The following MMP16 variants were observed in gnomAD, a reference collection of about 807,000 sequenced individuals.
MMP16 encodes matrix metalloproteinase-16.
Under a neutral mutation model 67.8 loss-of-function variants are expected in MMP16, and 12 were observed. The observed-to-expected ratio is 0.18, with a 90% CI of 0.11 to 0.29. The LOEUF is 0.29. Ranked by LOEUF, MMP16 falls within the 10% of genes least tolerant of loss-of-function variation. The pLI, the probability that MMP16 is intolerant of heterozygous loss-of-function variation, is 1.00. For synonymous variants in MMP16, 249 were observed against 255.9 expected, an observed-to-expected ratio of 0.97 and a Z score of 0.26; for missense variants, 475 against 765.7, an observed-to-expected ratio of 0.62 and a Z score of 4.48.
chr8:88,120,770 T>C (rs1409545377), intron 4 of MMP16, among the ~76,000 whole-genome samples: 1 of 151,940 alleles, frequency 6.6e-6, no homozygotes, highest in East Asian at 1.9e-4. Context: ...GGCCTTCTTT[T>C]AGCAAAACTG....
At chr8:88,174,681 A>G (rs759117866) in intron 3 of MMP16, among the ~76,000 whole-genome samples, 17 of 152,014 alleles carry the variant, frequency 1.1e-4, no homozygotes, top group Middle Eastern at 3.4e-3. Flanking sequence ...ACTTGCCATG[A>G]TGCTGAGAAT....
chr8:88,236,820 T>A (rs1809948728), intron 1 of MMP16, among the ~76,000 whole-genome samples: 1 of 90,712 alleles, frequency 1.1e-5, no homozygotes, highest in Non-Finnish European at 1.9e-5. Context: ...GATGACTCAC[T>A]TTTCAGAGCT....
chr8:88,056,568 T>C (rs1336538872), intron 7 of MMP16, among the ~76,000 whole-genome samples: 1 of 152,020 alleles, frequency 6.6e-6, no homozygotes, highest in East Asian at 1.9e-4. Flanking sequence ...AACTTTGCCA[T>C]AAAGAAACAA....
At chr8:88,175,115 A>G (rs1005674039) in intron 3 of MMP16, among the ~76,000 whole-genome samples, 1 of 152,194 alleles carries the variant, frequency 6.6e-6, no homozygotes, top group Non-Finnish European at 1.5e-5. Context: ...GGTGATGGCC[A>G]GAAGAGAAAA....
chr8:88,053,509 T>G (rs1476384376), intron 8 of MMP16, among the ~76,000 whole-genome samples: 1 of 152,206 alleles, frequency 6.6e-6, no homozygotes, highest in Non-Finnish European at 1.5e-5. Context: ...CTAAAATCCT[T>G]TTTGCTCTTA....
At chr8:88,268,934 C>T (rs1405775373) in intron 1 of MMP16, among the ~76,000 whole-genome samples, 1 of 152,134 alleles carries the variant, frequency 6.6e-6, no homozygotes, top group Non-Finnish European at 1.5e-5. Context: ...TTCTTTGATA[C>T]ATCCCCTATA....
At chr8:88,293,880 C>G (rs558950382) in intron 1 of MMP16, among the ~76,000 whole-genome samples, 1 of 152,142 alleles carries the variant, frequency 6.6e-6, no homozygotes, top group East Asian at 1.9e-4. Flanking sequence ...TGTTTCATGA[C>G]CAACTACTGT....
At chr8:88,273,972 CCATCAT>C (rs138968036) in intron 1 of MMP16, among the ~76,000 whole-genome samples, 26 of 151,950 alleles carry the variant, frequency 1.7e-4, no homozygotes, top group Admixed American at 3.3e-4. Flanking sequence ...TTCTTCATCA[CCATCAT>C]CATCATCATC....
intron 1 of MMP16, among the ~76,000 whole-genome samples, chr8:88,275,878 AT>A (rs1475977939): frequency 6.6e-6 from 1 of 151,902 alleles, no homozygotes; most frequent in Non-Finnish European, 1.5e-5. Flanking sequence ...TGGGAATCCA[AT>A]TTTTTTAGCC....
intron 4 of MMP16, among the ~76,000 whole-genome samples, chr8:88,157,371 A>C (rs1001850734): frequency 6.6e-6 from 1 of 151,852 alleles, no homozygotes; most frequent in African/African-American, 2.4e-5. Flanking sequence ...GCAAATATTA[A>C]ACCATCTTAT....
chr8:88,078,696 A>G (rs1461289004), intron 6 of MMP16, among the ~76,000 whole-genome samples: 1 of 152,180 alleles, frequency 6.6e-6, no homozygotes, highest in Non-Finnish European at 1.5e-5. Context: ...AAAACAAAAC[A>G]AAACAAAAAA....
intron 1 of MMP16, among the ~76,000 whole-genome samples, chr8:88,305,500 G>A (rs1288184488): frequency 6.6e-6 from 1 of 152,084 alleles, no homozygotes; most frequent in Non-Finnish European, 1.5e-5. Context: ...TCTTCTCATT[G>A]CCACATGGCA....
intron 4 of MMP16, among the ~76,000 whole-genome samples, chr8:88,124,665 C>G (rs1807896215): frequency 6.6e-6 from 1 of 151,984 alleles, no homozygotes; most frequent in Non-Finnish European, 1.5e-5. Context: ...CTTTTTTCCA[C>G]TGAACTAATA....
intron 8 of MMP16, among the ~76,000 whole-genome samples, chr8:88,048,732 C>G (rs1408457247): frequency 2.0e-5 from 3 of 152,176 alleles, no homozygotes; most frequent in Admixed American, 6.5e-5. Context: ...ATGCTTTTCC[C>G]CCCACTAAAC....
intron 6 of MMP16, among the ~76,000 whole-genome samples, chr8:88,095,175 G>T (rs1464963812): frequency 6.6e-6 from 1 of 151,650 alleles, no homozygotes; most frequent in African/African-American, 2.4e-5. Context: ...TTTGCTAAAA[G>T]ACTTTTTTTT....
intron 4 of MMP16, among the ~76,000 whole-genome samples, chr8:88,133,157 T>C (rs997077008): frequency 6.6e-6 from 1 of 151,870 alleles, no homozygotes; most frequent in Admixed American, 6.6e-5. Context: ...TGGGAATTCA[T>C]GTTACTTAAG....
intron 1 of MMP16, among the ~76,000 whole-genome samples, chr8:88,305,051 C>T (rs935801633): frequency 6.6e-6 from 1 of 152,004 alleles, no homozygotes; most frequent in South Asian, 2.1e-4. Context: ...ATTCAACAGA[C>T]CCATGTAAAG....
intron 8 of MMP16, among the ~76,000 whole-genome samples, chr8:88,050,986 A>AT (rs1808263167): frequency 6.6e-6 from 1 of 152,164 alleles, no homozygotes; most frequent in Non-Finnish European, 1.5e-5. Flanking sequence ...ACATAAATGC[A>AT]TTTTTCCCTC....
intron 1 of MMP16, among the ~76,000 whole-genome samples, chr8:88,231,815 C>A (rs999186059): frequency 3.3e-5 from 5 of 151,922 alleles, no homozygotes; most frequent in African/African-American, 4.8e-5. Flanking sequence ...TATGATGTGA[C>A]CATTTTTTAA....
Sources: allele counts gnomAD v4.1 joint callset (sites outside exome capture counted in the v4.1 genomes callset), GRCh38; gene constraint gnomAD v4.1.1; transcripts MANE v1.5; gene names NCBI Gene and HGNC (gene_info 2026-07-23, HGNC 2026-07-21).